Variants in PDS5B observed in about 807,000 individuals in gnomAD.
The protein encoded by PDS5B is sister chromatid cohesion protein PDS5 homolog B.
Under a neutral mutation model 184.1 loss-of-function variants are expected in PDS5B, and 51 were observed. The observed-to-expected ratio is 0.28, with a 90% CI of 0.22 to 0.35. The LOEUF is 0.35. PDS5B is among the 10% of genes least tolerant of loss of function. PDS5B has a pLI of 1.00. For synonymous variants in PDS5B, 566 were observed against 569.2 expected, an observed-to-expected ratio of 0.99 and a Z score of 0.08; for missense variants, 1,180 against 1,723.3, an observed-to-expected ratio of 0.68 and a Z score of 5.58.
At chr13:32,730,516 A>G (rs1466577529) in intron 19 of PDS5B, among the ~76,000 whole-genome samples, 7 of 152,144 alleles carry the variant, frequency 4.6e-5, no homozygotes, top group African/African-American at 1.7e-4. Flanking sequence ...AATAGCATTG[A>G]ATCTATAAAT....
chr13:32,716,624 C>T (rs1167522582), intron 19 of PDS5B, among the ~76,000 whole-genome samples: 1 of 143,484 alleles, frequency 7.0e-6, no homozygotes, highest in Non-Finnish European at 1.5e-5. Flanking sequence ...GTGGGGGGGT[C>T]AGCCCCCCGC....
intron 3 of PDS5B, among the ~76,000 whole-genome samples, chr13:32,655,422 A>G (rs1375351400): frequency 5.5e-5 from 6 of 109,454 alleles, no homozygotes; most frequent in Non-Finnish European, 9.0e-5. Flanking sequence ...ACCGTTGCTC[A>G]GGCTGGAGTG....
At chr13:32,681,744 A>G (rs1012737682) in intron 10 of PDS5B, among the ~76,000 whole-genome samples, 7 of 151,922 alleles carry the variant, frequency 4.6e-5, no homozygotes, top group Non-Finnish European at 7.4e-5. Context: ...TTCATTCCTG[A>G]CTAGCAGGAT....
intron 1 of PDS5B, among the ~76,000 whole-genome samples, chr13:32,610,988 G>T (rs1435805054): frequency 6.6e-6 from 1 of 150,570 alleles, no homozygotes; most frequent in Non-Finnish European, 1.5e-5. Flanking sequence ...CCTTTTTAGA[G>T]CCATCTTTTT....
At chr13:32,705,728 G>A (rs776827273) in intron 17 of PDS5B, among the ~76,000 whole-genome samples, 1 of 152,068 alleles carries the variant, frequency 6.6e-6, no homozygotes, top group Non-Finnish European at 1.5e-5. Flanking sequence ...CACCCAGGCT[G>A]GAGTGCAGTG....
At chr13:32,647,960 C>G (rs1950269316) in intron 1 of PDS5B, among the ~76,000 whole-genome samples, 1 of 152,182 alleles carries the variant, frequency 6.6e-6, no homozygotes, top group South Asian at 2.1e-4. Context: ...ATGTTAGGTG[C>G]TTGGGGCTGT....
At chr13:32,687,416 A>AGTG in intron 12 of PDS5B, 131 bp downstream of exon 12, 1 of 622,314 alleles carries the variant, frequency 1.6e-6, no homozygotes, top group East Asian at 3.1e-5. Flanking sequence ...AATGGTAGTG[A>AGTG]GTGACTGGGC....
At chr13:32,615,251 C>T (rs991921073) in intron 1 of PDS5B, among the ~76,000 whole-genome samples, 1 of 152,096 alleles carries the variant, frequency 6.6e-6, no homozygotes, top group African/African-American at 2.4e-5. Context: ...GTTTGTCTAT[C>T]TTGTTGCATG....
At chr13:32,696,633 C>T (rs1038980271) in intron 14 of PDS5B, among the ~76,000 whole-genome samples, 1 of 151,628 alleles carries the variant, frequency 6.6e-6, no homozygotes, top group Non-Finnish European at 1.5e-5. Flanking sequence ...GCTAACACAA[C>T]AGGGTGAGGG....
chr13:32,614,504 A>G (rs1346554998), intron 1 of PDS5B, among the ~76,000 whole-genome samples: 2 of 151,768 alleles, frequency 1.3e-5, no homozygotes, highest in African/African-American at 4.8e-5. Context: ...CACCATGTTG[A>G]CCAGGCTGGC....
intron 19 of PDS5B, among the ~76,000 whole-genome samples, chr13:32,721,292 T>C (rs1241167318): frequency 6.0e-4 from 81 of 134,742 alleles, no homozygotes; most frequent in African/African-American, 1.8e-3. Context: ...CCAGACGGGG[T>C]GGCTGCCGGG....
At chr13:32,770,853 C>A (rs1206619989) in intron 33 of PDS5B, 92 bp downstream of exon 33, 5 of 941,436 alleles carry the variant, frequency 5.3e-6, no homozygotes, top group African/African-American at 5.0e-5. Context: ...TATTTAAATT[C>A]CATATATTTA....
rs1400939894 is a variant in PDS5B at position 32,775,239 on chromosome 13, C to T, written c.*187C>T. The T allele has an allele frequency of 6.8e-6, 4 of 588,136 alleles. No individual in the cohort carries two copies. Among genetic ancestry groups the T allele is most frequent in the African/African-American group, 3.7e-5 (2 of 53,520 alleles). The allele number at this position is 588,136 out of a possible 1,614,324, so 36.4% of individuals were successfully genotyped here. ...CATGCTTTAGCCATACACATGGTAA[C>T]ATTGACTATGGAGTCTTGTGAAAGT... On this transcript the variant is annotated 3_prime_UTR_variant, in exon 35 of 35. Coordinates refer to ENST00000315596, the MANE Select transcript of PDS5B (RefSeq NM_015032.4).
intron 1 of PDS5B, among the ~76,000 whole-genome samples, chr13:32,590,108 G>A (rs1329744533): frequency 6.6e-6 from 1 of 152,262 alleles, no homozygotes; most frequent in African/African-American, 2.4e-5. Flanking sequence ...TAATCATTGT[G>A]TTCTAATAAT....
At chr13:32,644,568 T>G (rs557900046) in intron 1 of PDS5B, among the ~76,000 whole-genome samples, 1 of 152,280 alleles carries the variant, frequency 6.6e-6, no homozygotes, top group South Asian at 2.1e-4. Context: ...AGCATCTTTA[T>G]TGCAGTGTCA....
At chr13:32,682,714 T>G (rs1951280027) in intron 10 of PDS5B, among the ~76,000 whole-genome samples, 1 of 152,268 alleles carries the variant, frequency 6.6e-6, no homozygotes, top group South Asian at 2.1e-4. Flanking sequence ...TTAGTTATAC[T>G]GTTTTACATT....
chr13:32,649,338 A>T (rs1053100001), intron 2 of PDS5B: 4 of 154,276 alleles, frequency 2.6e-5, no homozygotes, highest in Non-Finnish European at 5.7e-5. Flanking sequence ...TAATGAATCA[A>T]GATTGCTGGT....
chr13:32,773,251 T>G lies in PDS5B; in HGVS notation c.4235T>G (p.Val1412Gly). 6.2e-7 allele frequency: 1 copy of G among 1,613,272 alleles called. No individual in the cohort carries two copies. The highest frequency in any genetic ancestry group is 8.5e-7 in the Non-Finnish European group (1 of 1,179,406). Residue 1412 changes from valine (V) to glycine (G), a missense_variant, in exon 34 of 35, where the codon GTG becomes GGG. Val to Gly is a moderately radical substitution (Grantham distance 109, BLOSUM62 -3). This residue lies in a region of PDS5B where 465 missense variants were observed against 497.8 expected (regional missense o/e 0.93). Transcript: ENST00000315596. ...KENDSSEEVD[V>G]FQGSSPVDDI... ...AATGATTCAAGTGAAGAAGTAGATG[T>G]GTTTCAGGGTAGCTCTCCTGTCGAT...
rs1953598774 is a variant in PDS5B at position 32,742,645 on chromosome 13, A to G, written c.2530A>G (p.Ser844Gly). The G allele has an allele frequency of 6.2e-7, 1 of 1,611,360 alleles. No individual in the cohort carries two copies. Among genetic ancestry groups the G allele is most frequent in the East Asian group, 2.2e-5 (1 of 44,738 alleles). Reference sequence around the variant, plus strand: ...GCTACTTGGAATGAAAAATAATCACAGTAAATCAGGAACTTCTACCTTAAG... The same window carrying G: ...GCTACTTGGAATGAAAAATAATCACGGTAAATCAGGAACTTCTACCTTAAG... ...RWLLGMKNNH[S>G]KSGTSTLRLL... Residue 844 changes from serine (S) to glycine (G), a missense_variant, in exon 23 of 35, where the codon AGT becomes GGT. By Grantham distance (56) the Ser-to-Gly change is moderately conservative. Transcript: ENST00000315596.
Sources: allele counts gnomAD v4.1 joint callset (sites outside exome capture counted in the v4.1 genomes callset), GRCh38; gene constraint gnomAD v4.1.1; regional missense constraint gnomAD v4.1.1; transcripts MANE v1.5; gene names NCBI Gene and HGNC (gene_info 2026-07-23, HGNC 2026-07-21).